STK32B: variants seen among roughly 807,000 people sequenced by gnomAD.
STK32B encodes serine/threonine kinase 32B.
STK32B carries 43 observed loss-of-function variants against 52.6 expected under a neutral mutation model. That is an observed-to-expected ratio of 0.82 (90% CI 0.64 to 1.05). The LOEUF is 1.05. Ranked by LOEUF, STK32B falls within the 50% of genes least tolerant of loss-of-function variation. The pLI is 0.00. For synonymous variants in STK32B, 238 were observed against 204.3 expected, an observed-to-expected ratio of 1.17 and a Z score of -1.41; for missense variants, 621 against 534.6, an observed-to-expected ratio of 1.16 and a Z score of -1.59.
the STK32B span, chr4:5,019,489 A>C: frequency 7.0e-7 from 1 of 1,424,692 alleles, no homozygotes; most frequent in Non-Finnish European, 9.1e-7. Flanking sequence ...CCCTTTATGC[A>C]GGCTGGGGGT....
At chr4:5,128,077 T>A (rs1353213571) in intron 1 of STK32B, among the ~76,000 whole-genome samples, 1 of 152,178 alleles carries the variant, frequency 6.6e-6, no homozygotes, top group Admixed American at 6.5e-5. Context: ...ATATGTTTAT[T>A]AGCAGCGTGA....
chr4:5,485,948 G>A (rs1045136333), intron 11 of STK32B, among the ~76,000 whole-genome samples: 3 of 152,206 alleles, frequency 2.0e-5, no homozygotes, highest in South Asian at 2.1e-4. Flanking sequence ...TCCTCTGGAA[G>A]TTTTGTCTCA....
the STK32B span, among the ~76,000 whole-genome samples, chr4:5,030,228 T>C: frequency 6.6e-6 from 1 of 152,220 alleles, no homozygotes; most frequent in East Asian, 1.9e-4. Flanking sequence ...TATTCGAGGT[T>C]ATTCACTGAG....
chr4:5,350,159 A>G (rs1004879100), intron 4 of STK32B, among the ~76,000 whole-genome samples: 2 of 152,168 alleles, frequency 1.3e-5, no homozygotes, highest in Non-Finnish European at 2.9e-5. Context: ...GGTTTACTCC[A>G]TGGCACATTC....
chr4:5,324,275 A>G (rs1577349392), intron 3 of STK32B, among the ~76,000 whole-genome samples: 1 of 152,046 alleles, frequency 6.6e-6, no homozygotes, highest in Admixed American at 6.6e-5. Context: ...AATTGCTTGA[A>G]CCCAGGAGGC....
Position 5,361,658 on chromosome 4 carries a change from T to A in STK32B, c.434+30265T>A, listed in dbSNP as rs926839440. On this transcript the variant is annotated intron_variant, in intron 4 of 11. Transcript: ENST00000282908. ...CCATATTGCTTGGCCTATTTCAATT[T>A]TTTTTGAAGAACGTCTGGACTAGAA... 1.5e-3 allele frequency among the ~76,000 whole-genome samples: 230 copies of A among 152,356 alleles called. 1 individual carries two copies. Among genetic ancestry groups the A allele is most frequent in the Middle Eastern group, 6.8e-3 (2 of 294 alleles).
intron 3 of STK32B, among the ~76,000 whole-genome samples, chr4:5,303,905 A>AG (rs1729743426): frequency 8.4e-6 from 1 of 118,458 alleles, no homozygotes; most frequent in African/African-American, 5.8e-5. Flanking sequence ...TGGACTTGCC[A>AG]TTATCCCAGT....
intron 3 of STK32B, among the ~76,000 whole-genome samples, chr4:5,303,536 T>G (rs978235356): frequency 2.0e-5 from 3 of 152,192 alleles, no homozygotes; most frequent in South Asian, 4.1e-4. Flanking sequence ...GATTGTTTGT[T>G]TTGTTCTTGC....
At chr4:5,438,155 G>A in intron 6 of STK32B, 2 of 984,032 alleles carry the variant, frequency 2.0e-6, no homozygotes, top group South Asian at 4.7e-5. Context: ...GAGCTTGTGG[G>A]CTGGCCCAGC....
chr4:5,254,967 T>C (rs765054351), intron 3 of STK32B, among the ~76,000 whole-genome samples: 1 of 151,020 alleles, frequency 6.6e-6, no homozygotes, highest in South Asian at 2.1e-4. Context: ...CATTCACTAA[T>C]ATATATATAT....
intron 3 of STK32B, among the ~76,000 whole-genome samples, chr4:5,246,478 C>CT (rs766336474): frequency 1.3e-4 from 20 of 152,130 alleles, no homozygotes; most frequent in Non-Finnish European, 2.6e-4. Flanking sequence ...ATTTGTCTAA[C>CT]TTTTTTTCAA....
chr4:5,426,557 A>G (rs1313864478), intron 6 of STK32B, among the ~76,000 whole-genome samples: 1 of 152,042 alleles, frequency 6.6e-6, no homozygotes, highest in Non-Finnish European at 1.5e-5. Context: ...AATACAAAAA[A>G]TTAACTGGGT....
intron 2 of STK32B, among the ~76,000 whole-genome samples, chr4:5,162,557 C>T (rs985606540): frequency 9.2e-5 from 14 of 152,150 alleles, no homozygotes; most frequent in African/African-American, 1.7e-4. Context: ...AGCTGAAATC[C>T]GTGCTAGCTA....
intron 1 of STK32B, among the ~76,000 whole-genome samples, chr4:5,073,198 CTGTTTTCTATT>C (rs1282011771): frequency 2.0e-4 from 30 of 152,066 alleles, no homozygotes; most frequent in African/African-American, 6.7e-4. Context: ...ACCTTGCTCT[CTGTTTTCTATT>C]TGTTTTCTGT....
chr4:5,125,978 G>C (rs965973843), intron 1 of STK32B, among the ~76,000 whole-genome samples: 1 of 152,090 alleles, frequency 6.6e-6, no homozygotes, highest in Non-Finnish European at 1.5e-5. Context: ...GCCTGTGATT[G>C]TCCAGTTGCC....
At chr4:5,357,258 A>G (rs1734250891) in intron 4 of STK32B, among the ~76,000 whole-genome samples, 1 of 152,198 alleles carries the variant, frequency 6.6e-6, no homozygotes, top group South Asian at 2.1e-4. Flanking sequence ...ATTGGAATGT[A>G]CTGTGTTCTA....
chr4:5,272,488 C>A (rs560233307), intron 3 of STK32B, among the ~76,000 whole-genome samples: 39 of 146,892 alleles, frequency 2.7e-4, no homozygotes, highest in African/African-American at 9.6e-4. Context: ...TGTCTCTGCC[C>A]GGCTTTGGTA....
At position 5,249,832 on chromosome 4, in the gene STK32B, G is replaced by C. The variant is rs539440778; in HGVS notation, c.260+81382G>C. On this transcript the variant is annotated intron_variant, in intron 3 of 11. Coordinates refer to ENST00000282908, the MANE Select transcript of STK32B (RefSeq NM_018401.3). Reference sequence around the variant, plus strand: ...TTATATAGGTAAATTGCATGTCACAGGGGTTTGGTGTACAGATTATTTCAT... The same window carrying C: ...TTATATAGGTAAATTGCATGTCACACGGGTTTGGTGTACAGATTATTTCAT... 1.1e-3 allele frequency among the ~76,000 whole-genome samples: 168 copies of C among 152,214 alleles called. 1 individual carries two copies. The highest frequency in any genetic ancestry group is 3.7e-3 in the African/African-American group (152 of 41,520).
intron 2 of STK32B, among the ~76,000 whole-genome samples, chr4:5,145,013 G>T (rs78291703): frequency 0.021 from 3,197 of 152,232 alleles, 103 homozygotes; most frequent in African/African-American, 0.072. Flanking sequence ...ATAGTTTATG[G>T]GTGTACAGGG....
Sources: gnomAD v4.1 joint callset for allele counts (sites outside exome capture counted in the v4.1 genomes callset) on GRCh38, gnomAD v4.1.1 for gene constraint, MANE v1.5 for transcripts, NCBI Gene and HGNC (gene_info 2026-07-23, HGNC 2026-07-21) for gene names.